PTN: variants seen among roughly 807,000 people sequenced by gnomAD.
The protein encoded by PTN is pleiotrophin, also known as heparin affin regulatory protein.
A neutral mutation model predicts 24.1 loss-of-function variants in PTN; 18 were observed. The ratio of observed to expected loss-of-function variants is 0.75; its 90% CI spans 0.52 to 1.11. PTN has a LOEUF of 1.11. PTN is among the 50% of genes least tolerant of loss of function. PTN has a pLI of 0.00. For synonymous variants in PTN, 78 were observed against 68.6 expected (o/e 1.14, Z -0.67); for missense variants, 163 against 198.8 (o/e 0.82, Z 1.08).
At chr7:137,290,712 G>A (rs1441752605) in intron 1 of PTN, among the ~76,000 whole-genome samples, 2 of 152,064 alleles carry the variant, frequency 1.3e-5, no homozygotes, top group African/African-American at 2.4e-5. Flanking sequence ...AGAATTTGGA[G>A]GTGAGCTGGG....
intron 1 of PTN, among the ~76,000 whole-genome samples, chr7:137,317,733 C>T (rs1257472896): frequency 1.3e-5 from 2 of 152,138 alleles, no homozygotes; most frequent in African/African-American, 2.4e-5. Context: ...AACAATACTG[C>T]ATTGTAGAGA....
At chr7:137,328,830 T>C (rs1810304532) in intron 1 of PTN, among the ~76,000 whole-genome samples, 1 of 152,134 alleles carries the variant, frequency 6.6e-6, no homozygotes, top group Admixed American at 6.6e-5. Context: ...GCAACATTCC[T>C]TATCCAAGAC....
At chr7:137,340,438 A>C in intron 1 of PTN, among the ~76,000 whole-genome samples, 1 of 152,206 alleles carries the variant, frequency 6.6e-6, no homozygotes, top group East Asian at 1.9e-4. Flanking sequence ...AGTGGATGGA[A>C]AAATAGCCCA....
intron 1 of PTN, among the ~76,000 whole-genome samples, chr7:137,283,211 T>A (rs1809501035): frequency 6.6e-6 from 1 of 152,180 alleles, no homozygotes; most frequent in East Asian, 1.9e-4. Context: ...AAATAGGTTA[T>A]TAATGCCTGG....
chr7:137,252,945 G>C (rs1478587902), intron 3 of PTN, among the ~76,000 whole-genome samples: 3 of 152,166 alleles, frequency 2.0e-5, no homozygotes, highest in Non-Finnish European at 4.4e-5. Flanking sequence ...GGAGGTTGGG[G>C]AGGGATCAAA....
rs544631633 is a variant in PTN, at chr7:137,311,570, T to C, written c.-2+31869A>G. Among the ~76,000 whole-genome samples the C allele has an allele frequency of 6.6e-5, 10 of 152,274 alleles. No homozygotes were observed. In the South Asian group the frequency reaches 2.1e-3, roughly 32 times the overall value. ...AGAGATGTTCAACTCTTCCTTTTAT[T>C]TGAACACTTAGAGGCCATTGTCCCA... On this transcript the variant is annotated intron_variant, in intron 1 of 4. Coordinates refer to ENST00000348225, the MANE Select transcript of PTN (RefSeq NM_002825.7).
intron 4 of PTN, among the ~76,000 whole-genome samples, chr7:137,247,598 A>G (rs1250003007): frequency 6.6e-6 from 1 of 152,204 alleles, no homozygotes; most frequent in Middle Eastern, 3.2e-3. Flanking sequence ...TGATAGCACA[A>G]CAGGGTGACT....
intron 1 of PTN, among the ~76,000 whole-genome samples, chr7:137,258,152 G>A (rs1808968461): frequency 6.6e-6 from 1 of 152,054 alleles, no homozygotes; most frequent in Non-Finnish European, 1.5e-5. Context: ...AAAACACACA[G>A]GCCATAATTT....
At chr7:137,228,990 T>C (rs1362825236) in intron 4 of PTN, among the ~76,000 whole-genome samples, 1 of 151,868 alleles carries the variant, frequency 6.6e-6, no homozygotes, top group Non-Finnish European at 1.5e-5. Context: ...GTTTAAATCC[T>C]GGCCACATCA....
intron 4 of PTN, among the ~76,000 whole-genome samples, chr7:137,235,612 C>T (rs1808505640): frequency 6.6e-6 from 1 of 152,134 alleles, no homozygotes; most frequent in Non-Finnish European, 1.5e-5. Context: ...TATTTTGTAG[C>T]ATCAATTGTT....
intron 1 of PTN, among the ~76,000 whole-genome samples, chr7:137,281,549 C>G (rs564621589): frequency 2.0e-5 from 3 of 152,324 alleles, no homozygotes; most frequent in South Asian, 2.1e-4. Context: ...TACTCCAGCA[C>G]TTTTGAATGA....
chr7:137,262,543 C>G (rs942905267), intron 1 of PTN, among the ~76,000 whole-genome samples: 2 of 152,156 alleles, frequency 1.3e-5, no homozygotes, highest in African/African-American at 4.8e-5. Flanking sequence ...CAAAACCCCT[C>G]AGACACCGAG....
At chr7:137,298,414 T>C (rs1039811160) in intron 1 of PTN, among the ~76,000 whole-genome samples, 3 of 35,494 alleles carry the variant, frequency 8.5e-5, no homozygotes, top group African/African-American at 1.8e-4. Context: ...TGGAAATTTA[T>C]TTTTTTTCAA....
intron 1 of PTN, among the ~76,000 whole-genome samples, chr7:137,298,564 A>G (rs1463865579): frequency 6.6e-6 from 1 of 150,888 alleles, no homozygotes; most frequent in Non-Finnish European, 1.5e-5. Flanking sequence ...TTCTGTGCAC[A>G]CTCTTGGTGG....
chr7:137,323,510 G>A (rs1423486457), intron 1 of PTN, among the ~76,000 whole-genome samples: 1 of 152,144 alleles, frequency 6.6e-6, no homozygotes, highest in Non-Finnish European at 1.5e-5. Flanking sequence ...CTTAACGTGT[G>A]AAAGAAGCTA....
chr7:137,309,893 T>G (rs964615579), intron 1 of PTN, among the ~76,000 whole-genome samples: 3 of 152,224 alleles, frequency 2.0e-5, no homozygotes, highest in Non-Finnish European at 2.9e-5. Flanking sequence ...TAATGTTATT[T>G]TGACCTCCTC....
Position 137,227,549 on chromosome 7 carries a change from A to G in PTN, c.*471T>C, listed in dbSNP as rs1488523116. 1 of 151,418 alleles carries G rather than the reference A, an allele frequency of 6.6e-6. No individual in the cohort carries two copies. Among genetic ancestry groups the G allele is most frequent in the Non-Finnish European group, 1.5e-5 (1 of 67,716 alleles). 9.4% of individuals were successfully genotyped at this position (151,418 alleles called of 1,614,324 possible). A position where few individuals can be genotyped will look rare whatever the true frequency, so the allele number is the denominator to read the frequency against. ...TTGCTGACTACATTTTAAAAAATCTATTGGCAGAAAACAAGATATTTTCTT... is the reference window on the plus strand; with the variant it reads ...TTGCTGACTACATTTTAAAAAATCTGTTGGCAGAAAACAAGATATTTTCTT... On this transcript the variant is annotated 3_prime_UTR_variant, in exon 5 of 5. Coordinates refer to ENST00000348225, the MANE Select transcript of PTN (RefSeq NM_002825.7).
chr7:137,334,749 T>C (rs1288095121), intron 1 of PTN, among the ~76,000 whole-genome samples: 1 of 150,944 alleles, frequency 6.6e-6, no homozygotes, highest in East Asian at 2.0e-4. Context: ...CACATGTATG[T>C]TTATCGCGGC....
chr7:137,312,294 G>C (rs944457806), intron 1 of PTN, among the ~76,000 whole-genome samples: 2 of 152,156 alleles, frequency 1.3e-5, no homozygotes. Flanking sequence ...ATCCATCCGC[G>C]ATGCACATTT....
Sources: allele counts gnomAD v4.1 joint callset (sites outside exome capture counted in the v4.1 genomes callset), GRCh38; gene constraint gnomAD v4.1.1; transcripts MANE v1.5; gene names NCBI Gene and HGNC (gene_info 2026-07-23, HGNC 2026-07-21).